RNF144A: variants seen among roughly 807,000 people sequenced by gnomAD.
The protein encoded by RNF144A is E3 ubiquitin-protein ligase RNF144A.
Under a neutral mutation model 38.7 loss-of-function variants are expected in RNF144A, and 11 were observed. The ratio of observed to expected loss-of-function variants is 0.28; its 90% CI spans 0.18 to 0.47. The LOEUF (loss-of-function observed/expected upper bound fraction) is 0.47, where lower values mean the gene tolerates loss of function less well. Among genes scored for constraint, RNF144A ranks in the 20% least tolerant of loss-of-function variants. RNF144A has a pLI of 0.99. For synonymous variants in RNF144A, 149 were observed against 143.9 expected, an observed-to-expected ratio of 1.04 and a Z score of -0.25; for missense variants, 316 against 377.2, an observed-to-expected ratio of 0.84 and a Z score of 1.34.
intron 2 of RNF144A, among the ~76,000 whole-genome samples, chr2:6,949,499 A>G (rs1666545050): frequency 6.6e-6 from 1 of 151,994 alleles, no homozygotes; most frequent in African/African-American, 2.4e-5. Flanking sequence ...TACATAGGAC[A>G]GGAATTAAAG....
chr2:7,053,269 C>T (rs1215779474), intron 6 of RNF144A, among the ~76,000 whole-genome samples: 1 of 152,176 alleles, frequency 6.6e-6, no homozygotes, highest in Non-Finnish European at 1.5e-5. Context: ...CGAGTCAGAA[C>T]CTGGATTTTC....
At position 7,043,349 on chromosome 2, in the gene RNF144A, C is replaced by G. The variant is rs905190325; in HGVS notation, c.*3589C>G. On this transcript the variant is annotated 3_prime_UTR_variant, in exon 9 of 9. Coordinates refer to ENST00000320892, the MANE Select transcript of RNF144A (RefSeq NM_014746.6). ...ATTGCAAAAGTTAGAAGTCATTTTA[C>G]AAATTAAAAAAACATTTTTTTCTTG... 25 of 984,952 alleles carry G rather than the reference C, an allele frequency of 2.5e-5. No individual in the cohort carries two copies. The South Asian group carries it at 9.9e-4, about 39-fold the overall frequency. The allele number at this position is 984,952 out of a possible 1,614,324, so 61.0% of individuals were successfully genotyped here.
At position 7,049,663 on chromosome 2, in the gene RNF144A, AATTT is replaced by A. The variant is rs1170488019; in HGVS notation, c.735-18551_735-18548del. Among the ~76,000 whole-genome samples, 7 of 152,324 alleles carry A rather than the reference AATTT, an allele frequency of 4.6e-5. No homozygotes were observed. In the East Asian group the frequency reaches 1.3e-3, roughly 29 times the overall value. ...TGGTGCACAATGAATGTTAAATAAT[AATTT>A]AATGTTTTTATTAATGACAAAGGAG... On this transcript the variant is annotated intron_variant, in intron 6 of 6. Transcript: ENST00000432850.
intron 2 of RNF144A, among the ~76,000 whole-genome samples, chr2:6,981,577 G>A (rs1295018852): frequency 6.6e-6 from 1 of 152,144 alleles, no homozygotes; most frequent in East Asian, 1.9e-4. Flanking sequence ...GTTCCCATTA[G>A]GTTCCTCATC....
intron 3 of RNF144A, among the ~76,000 whole-genome samples, chr2:7,003,882 C>T (rs1403053581): frequency 1.3e-5 from 2 of 152,194 alleles, no homozygotes; most frequent in Non-Finnish European, 2.9e-5. Context: ...GCTTTGTTTC[C>T]ATTAGTAGCC....
rs537731308 is a variant in RNF144A at position 7,052,347 on chromosome 2, C to T, written c.735-15869C>T. ...TCATTTTCTAGTCCTCACAAAAGTG[C>T]TACAAATAAATATTATTTTGTGCCC... On this transcript the variant is annotated intron_variant, in intron 6 of 6. Transcript: ENST00000432850. Among the ~76,000 whole-genome samples, 4 of 152,298 alleles carry T rather than the reference C, an allele frequency of 2.6e-5. No individual in the cohort carries two copies. The South Asian group carries it at 8.3e-4, about 32-fold the overall frequency.
chr2:7,032,327 G>A (rs1377678611), intron 8 of RNF144A, among the ~76,000 whole-genome samples: 2 of 151,604 alleles, frequency 1.3e-5, no homozygotes, highest in Non-Finnish European at 2.9e-5. Flanking sequence ...TGGAATCCGC[G>A]CCCCTTGCAG....
In RNF144A at chr2:6,941,486, A is replaced by G. The variant is rs534244119; in HGVS notation, c.-12+339A>G. On this transcript the variant is annotated intron_variant, in intron 2 of 8. Coordinates refer to ENST00000320892, the MANE Select transcript of RNF144A (RefSeq NM_014746.6). This position sits in a 1 kb window ranked among gnomAD's most constrained non-coding sequence, Gnocchi z 6.5. ...TTGAGCTCCTGCGTGTGCCAGGCAC[A>G]GCTCTAACTCAGAACTCAGTGAGGC... Among the ~76,000 whole-genome samples the G allele has an allele frequency of 5.3e-5, 8 of 152,370 alleles. No individual in the cohort carries two copies. The highest frequency in any genetic ancestry group is 1.9e-4 in the African/African-American group (8 of 41,586).
At chr2:7,028,732 G>T (rs1462078347) in intron 7 of RNF144A, among the ~76,000 whole-genome samples, 1 of 152,220 alleles carries the variant, frequency 6.6e-6, no homozygotes, top group Non-Finnish European at 1.5e-5. Flanking sequence ...AGAGCTCACA[G>T]TGATGGAAGT....
Position 6,917,953 on chromosome 2 carries a change from C to T in RNF144A, c.-212+331C>T, listed in dbSNP as rs1259536249. Reference sequence around the variant, plus strand: ...AGGGACCTGGCGTCCCCCTGCCTGCCCTGCGCGGTCGCGGGTCTGCGCTGC... The same window carrying T: ...AGGGACCTGGCGTCCCCCTGCCTGCTCTGCGCGGTCGCGGGTCTGCGCTGC... On this transcript the variant is annotated intron_variant, in intron 1 of 8. Coordinates refer to ENST00000320892, the MANE Select transcript of RNF144A (RefSeq NM_014746.6). The surrounding 1 kb of genome is among the most constrained non-coding windows in gnomAD (Gnocchi z 4.8). Among the ~76,000 whole-genome samples, 1 of 151,444 alleles carries T rather than the reference C, an allele frequency of 6.6e-6. No individual in the cohort carries two copies. The highest frequency in any genetic ancestry group is 6.6e-5 in the Admixed American group (1 of 15,234).
chr2:6,994,176 T>C (rs1416955326), intron 2 of RNF144A, among the ~76,000 whole-genome samples: 4 of 152,190 alleles, frequency 2.6e-5, no homozygotes, highest in Non-Finnish European at 5.9e-5. Flanking sequence ...CCAGTGCTTT[T>C]TCAACATTGT....
intron 6 of RNF144A, among the ~76,000 whole-genome samples, chr2:7,063,340 G>A (rs1380429197): frequency 6.6e-6 from 1 of 152,196 alleles, no homozygotes; most frequent in East Asian, 1.9e-4. Context: ...GACCCTGGAT[G>A]AATGTTCACA....
intron 2 of RNF144A, among the ~76,000 whole-genome samples, chr2:6,973,115 A>G (rs569694987): frequency 6.6e-6 from 1 of 152,230 alleles, no homozygotes; most frequent in Non-Finnish European, 1.5e-5. Context: ...AAATGAGGCA[A>G]TATACAACTA....
chr2:7,062,177 A>G (rs1249078452), intron 6 of RNF144A, among the ~76,000 whole-genome samples: 1 of 152,160 alleles, frequency 6.6e-6, no homozygotes, highest in Non-Finnish European at 1.5e-5. Flanking sequence ...GCTCTGTTTC[A>G]TGCAGTTTCT....
At chr2:7,075,937 T>G in the RNF144A span, among the ~76,000 whole-genome samples, 1 of 152,248 alleles carries the variant, frequency 6.6e-6, no homozygotes, top group African/African-American at 2.4e-5. Context: ...AATGTGTTTC[T>G]TACTGTACTT....
intron 3 of RNF144A, among the ~76,000 whole-genome samples, chr2:7,006,477 A>G (rs189756468): frequency 2.0e-5 from 3 of 152,040 alleles, no homozygotes; most frequent in Admixed American, 6.5e-5. Flanking sequence ...TGCCTCCTCA[A>G]TGTCAGGGCA....
downstream of RNF144A, among the ~76,000 whole-genome samples, chr2:7,045,745 G>C (rs1259086378): frequency 6.6e-6 from 1 of 152,188 alleles, no homozygotes; most frequent in East Asian, 1.9e-4. Flanking sequence ...TGAGTGGGCT[G>C]TCTGGCCCCA....
At chr2:7,049,697 C>T (rs1028794718) in intron 6 of RNF144A, among the ~76,000 whole-genome samples, 2 of 152,076 alleles carry the variant, frequency 1.3e-5, no homozygotes, top group Non-Finnish European at 1.5e-5. Flanking sequence ...AAGGAGGAAT[C>T]AACATATTAA....
intron 8 of RNF144A, among the ~76,000 whole-genome samples, chr2:7,036,817 C>T (rs62105652): frequency 0.016 from 2,393 of 152,246 alleles, 35 homozygotes; most frequent in South Asian, 0.056. Flanking sequence ...GTGGTTTGTA[C>T]AAGAATTCTC....
Sources: allele counts gnomAD v4.1 joint callset (sites outside exome capture counted in the v4.1 genomes callset), GRCh38; gene constraint gnomAD v4.1.1; non-coding constraint Gnocchi (gnomAD v3.1); transcripts MANE v1.5; gene names NCBI Gene and HGNC (gene_info 2026-07-23, HGNC 2026-07-21).